The following COX7B2 variants were observed in gnomAD, a reference collection of about 807,000 sequenced individuals.
The protein encoded by COX7B2 is cytochrome c oxidase subunit 7B2, mitochondrial.
For missense variants in COX7B2, 109 were observed against 95.9 expected (o/e 1.14, Z -0.57); for synonymous variants, 37 against 32.1 (o/e 1.15, Z -0.51).
At chr4:46,753,805 A>C (rs537568928) in intron 2 of COX7B2, among the ~76,000 whole-genome samples, 1 of 152,280 alleles carries the variant, frequency 6.6e-6, no homozygotes, top group African/African-American at 2.4e-5. Context: ...AATTTTTGCA[A>C]TCTACCCATC....
intron 1 of COX7B2, among the ~76,000 whole-genome samples, chr4:46,846,521 T>G (rs1466577060): frequency 1.4e-5 from 2 of 145,776 alleles, no homozygotes; most frequent in African/African-American, 2.5e-5. Flanking sequence ...ATGAGGGAGG[T>G]GAGGGAGTCA....
chr4:46,874,109 A>G (rs1014453080), intron 1 of COX7B2, among the ~76,000 whole-genome samples: 1 of 152,182 alleles, frequency 6.6e-6, no homozygotes, highest in Admixed American at 6.6e-5. Flanking sequence ...GGAACTTGGC[A>G]TATCCATACA....
At chr4:46,805,734 T>A (rs1397547180) in intron 2 of COX7B2, among the ~76,000 whole-genome samples, 6 of 152,188 alleles carry the variant, frequency 3.9e-5, no homozygotes, top group Non-Finnish European at 8.8e-5. Flanking sequence ...AGTTTATGGA[T>A]TTTCGTAGAT....
At chr4:46,800,214 T>C (rs1215266902) in intron 2 of COX7B2, among the ~76,000 whole-genome samples, 1 of 152,186 alleles carries the variant, frequency 6.6e-6, no homozygotes, top group African/African-American at 2.4e-5. Flanking sequence ...ACAGATTCGA[T>C]GCTATTCATA....
At chr4:46,764,243 A>AT (rs1261443166) in intron 2 of COX7B2, among the ~76,000 whole-genome samples, 5 of 152,176 alleles carry the variant, frequency 3.3e-5, no homozygotes, top group African/African-American at 1.2e-4. Flanking sequence ...TTATTTAGAG[A>AT]TATAAGAAGA....
intron 2 of COX7B2, among the ~76,000 whole-genome samples, chr4:46,737,961 C>T (rs1487899054): frequency 6.6e-6 from 1 of 152,066 alleles, no homozygotes; most frequent in African/African-American, 2.4e-5. Context: ...TAATTTCTTC[C>T]GAGGTTCAAG....
chr4:46,904,523 T>C (rs1720260856), intron 1 of COX7B2, among the ~76,000 whole-genome samples: 1 of 152,162 alleles, frequency 6.6e-6, no homozygotes, highest in Admixed American at 6.5e-5. Context: ...TTTTCACTTA[T>C]CAGATTGTCA....
At chr4:46,798,163 C>A (rs149137877) in intron 2 of COX7B2, among the ~76,000 whole-genome samples, 129 of 152,236 alleles carry the variant, frequency 8.5e-4, no homozygotes, top group Non-Finnish European at 1.7e-3. Context: ...AATGCACAGG[C>A]CTTCTACCTC....
intron 2 of COX7B2, among the ~76,000 whole-genome samples, chr4:46,742,742 A>G (rs1198908158): frequency 6.6e-6 from 1 of 152,190 alleles, no homozygotes; most frequent in African/African-American, 2.4e-5. Context: ...AAGAGAGTGG[A>G]CAAAGAACCT....
At chr4:46,900,554 A>G (rs1720021021) in intron 1 of COX7B2, among the ~76,000 whole-genome samples, 1 of 152,150 alleles carries the variant, frequency 6.6e-6, no homozygotes, top group South Asian at 2.1e-4. Context: ...GGGGCACCTC[A>G]AATTCAGAAT....
intron 2 of COX7B2, among the ~76,000 whole-genome samples, chr4:46,753,964 G>A (rs530256532): frequency 1.3e-5 from 2 of 152,172 alleles, no homozygotes; most frequent in Middle Eastern, 3.2e-3. Context: ...ATGAAAAAAT[G>A]CTCATGATCA....
intron 2 of COX7B2, among the ~76,000 whole-genome samples, chr4:46,759,668 A>G (rs2109466425): frequency 6.6e-6 from 1 of 152,146 alleles, no homozygotes; most frequent in South Asian, 2.1e-4. Flanking sequence ...GCCAGTTAGA[A>G]TGTTGATCAT....
chr4:46,810,413 C>G (rs1002188242), intron 2 of COX7B2, among the ~76,000 whole-genome samples: 1 of 151,842 alleles, frequency 6.6e-6, no homozygotes, highest in Admixed American at 6.6e-5. Context: ...ACTTTTGTTT[C>G]TTTTATCTTT....
intron 2 of COX7B2, among the ~76,000 whole-genome samples, chr4:46,745,276 A>G (rs987806387): frequency 5.3e-5 from 8 of 152,154 alleles, no homozygotes; most frequent in African/African-American, 1.7e-4. Flanking sequence ...TGCTCAAAAT[A>G]TACCTGTTAA....
intron 2 of COX7B2, among the ~76,000 whole-genome samples, chr4:46,772,170 C>T (rs1158475386): frequency 6.6e-6 from 1 of 152,032 alleles, no homozygotes; most frequent in African/African-American, 2.4e-5. Flanking sequence ...GTACATTATG[C>T]TAAGTGCAAT....
intron 2 of COX7B2, among the ~76,000 whole-genome samples, chr4:46,740,807 C>G (rs1165885485): frequency 1.3e-5 from 2 of 152,054 alleles, no homozygotes; most frequent in Admixed American, 6.6e-5. Context: ...GTAAGTTACT[C>G]TAACTAAATT....
chr4:46,801,304 C>T (rs1459259392), intron 2 of COX7B2, among the ~76,000 whole-genome samples: 2 of 152,102 alleles, frequency 1.3e-5, no homozygotes, highest in Non-Finnish European at 2.9e-5. Context: ...CACGGCCCTA[C>T]TTACAATAGC....
At chr4:46,896,056 G>A (rs1247005086) in intron 1 of COX7B2, among the ~76,000 whole-genome samples, 2 of 152,148 alleles carry the variant, frequency 1.3e-5, no homozygotes, top group East Asian at 3.8e-4. Context: ...CAGGCTACAA[G>A]TATCCGAACA....
intron 2 of COX7B2, among the ~76,000 whole-genome samples, chr4:46,820,905 C>T (rs1402426814): frequency 6.6e-6 from 1 of 150,834 alleles, no homozygotes; most frequent in African/African-American, 2.4e-5. Context: ...AAAAGTAATC[C>T]AATCTCACGT....
Sources: allele counts gnomAD v4.1 joint callset (sites outside exome capture counted in the v4.1 genomes callset), GRCh38; gene constraint gnomAD v4.1.1; transcripts MANE v1.5; gene names NCBI Gene and HGNC (gene_info 2026-07-23, HGNC 2026-07-21).